CNTN4: variants seen among roughly 807,000 people sequenced by gnomAD.
The protein encoded by CNTN4 is contactin 4.
In CNTN4, 77 loss-of-function variants were observed where a neutral mutation model predicts 122.5. The observed-to-expected ratio is 0.63, with a 90% CI of 0.52 to 0.76. The LOEUF is 0.76. CNTN4 is among the 30% of genes least tolerant of loss of function. CNTN4 has a pLI of 0.00. For synonymous variants in CNTN4, 512 were observed against 447.0 expected (o/e 1.15, Z -1.83); for missense variants, 1,256 against 1,259.1 (o/e 1.00, Z 0.04).
chr3:3,003,000 G>T (rs528930970), intron 14 of CNTN4, among the ~76,000 whole-genome samples: 1 of 152,104 alleles, frequency 6.6e-6, no homozygotes, highest in African/African-American at 2.4e-5. Context: ...GGTTTGCCTC[G>T]ATCTTCATAT....
chr3:2,961,122 C>G (rs1407701501), intron 13 of CNTN4, among the ~76,000 whole-genome samples: 1 of 137,126 alleles, frequency 7.3e-6, no homozygotes, highest in African/African-American at 2.7e-5. Flanking sequence ...CCCAGCTACT[C>G]GGGAGGCTGA....
chr3:2,684,403 G>A (rs1018084882), intron 4 of CNTN4, among the ~76,000 whole-genome samples: 2 of 151,932 alleles, frequency 1.3e-5, no homozygotes, highest in African/African-American at 4.8e-5. Context: ...ACAAAAAAAA[G>A]GAGAAATTAT....
At chr3:2,687,498 A>C in intron 4 of CNTN4, among the ~76,000 whole-genome samples, 1 of 151,824 alleles carries the variant, frequency 6.6e-6, no homozygotes, top group East Asian at 1.9e-4. Flanking sequence ...CTATGTCTTC[A>C]AAAAAAATAC....
At chr3:2,733,659 G>A (rs1167040910) in intron 4 of CNTN4, among the ~76,000 whole-genome samples, 1 of 150,644 alleles carries the variant, frequency 6.6e-6, no homozygotes, top group Admixed American at 6.6e-5. Flanking sequence ...TCAGCCTCCC[G>A]AGTGGCTGGG....
chr3:3,026,297 A>G lies in CNTN4; in HGVS notation c.1662+20A>G, dbSNP rs1321068430. On this transcript the variant is annotated intron_variant, in intron 15 of 24. Coordinates refer to ENST00000418658, the MANE Select transcript of CNTN4 (RefSeq NM_175607.3). The stretch of plus-strand genomic sequence containing the variant: ...GGAGGGGTAAGTATTAATAGCAAAA[A>G]CTGACTCAAACTAACTTGTTTAGAC... The G allele has an allele frequency of 5.6e-6, 9 of 1,603,086 alleles. No individual in the cohort carries two copies. Among genetic ancestry groups the G allele is most frequent in the Non-Finnish European group, 7.7e-6 (9 of 1,170,362 alleles).
chr3:2,905,309 T>A (rs554105096), intron 12 of CNTN4, among the ~76,000 whole-genome samples: 2 of 152,330 alleles, frequency 1.3e-5, no homozygotes, highest in African/African-American at 4.8e-5. Flanking sequence ...AGACAACAAA[T>A]GTTTATTTCT....
intron 3 of CNTN4, among the ~76,000 whole-genome samples, chr3:2,471,581 A>G (rs1478987026): frequency 6.6e-6 from 1 of 152,184 alleles, no homozygotes; most frequent in Non-Finnish European, 1.5e-5. Context: ...TGCCCTTTTA[A>G]TCTTATGATT....
intron 2 of CNTN4, among the ~76,000 whole-genome samples, chr3:2,267,604 A>G (rs955995204): frequency 2.0e-5 from 3 of 152,116 alleles, no homozygotes; most frequent in African/African-American, 7.2e-5. Flanking sequence ...ATAGAATTGC[A>G]GGATTGGATG....
intron 4 of CNTN4, among the ~76,000 whole-genome samples, chr3:2,707,320 A>C (rs923787511): frequency 1.5e-4 from 23 of 148,488 alleles, no homozygotes; most frequent in South Asian, 6.3e-4. Flanking sequence ...AAAAAAACCC[A>C]AAAAAAACAG....
chr3:2,477,445 C>G (rs1271660533), intron 3 of CNTN4, among the ~76,000 whole-genome samples: 1 of 152,112 alleles, frequency 6.6e-6, no homozygotes, highest in African/African-American at 2.4e-5. Flanking sequence ...TTATCTCATT[C>G]AACAATTATA....
intron 3 of CNTN4, among the ~76,000 whole-genome samples, chr3:2,559,652 A>T (rs906985012): frequency 6.6e-6 from 1 of 152,212 alleles, no homozygotes; most frequent in African/African-American, 2.4e-5. Context: ...AAGACAAGAA[A>T]ATGGAGGTGA....
intron 2 of CNTN4, among the ~76,000 whole-genome samples, chr3:2,103,747 A>G (rs907474752): frequency 1.3e-5 from 2 of 152,120 alleles, no homozygotes; most frequent in African/African-American, 4.8e-5. Context: ...TTTATTTTCT[A>G]TATGACTAAG....
intron 4 of CNTN4, among the ~76,000 whole-genome samples, chr3:2,729,303 G>T (rs532975599): frequency 6.6e-6 from 1 of 152,112 alleles, no homozygotes; most frequent in African/African-American, 2.4e-5. Flanking sequence ...GGTGGCTCAC[G>T]CCTGTAATCC....
At chr3:2,758,918 A>G (rs763018482) in intron 6 of CNTN4, among the ~76,000 whole-genome samples, 5 of 152,148 alleles carry the variant, frequency 3.3e-5, no homozygotes, top group African/African-American at 4.8e-5. Flanking sequence ...AAGTTGTACA[A>G]CTGTCACCAC....
At chr3:2,245,677 T>A in intron 2 of CNTN4, among the ~76,000 whole-genome samples, 1 of 152,022 alleles carries the variant, frequency 6.6e-6, no homozygotes, top group East Asian at 1.9e-4. Context: ...TAATAAAAAT[T>A]GGTGTACGTA....
chr3:2,268,977 G>C (rs2149801120), intron 2 of CNTN4, among the ~76,000 whole-genome samples: 1 of 152,186 alleles, frequency 6.6e-6, no homozygotes, highest in Middle Eastern at 3.4e-3. Flanking sequence ...CGATCCACAA[G>C]GTGGCAGGGA....
chr3:2,371,746 G>C (rs1041316904), intron 3 of CNTN4, among the ~76,000 whole-genome samples: 3 of 152,080 alleles, frequency 2.0e-5, no homozygotes, highest in Admixed American at 6.6e-5. Context: ...AAAGGTTCTG[G>C]AATAATTTTA....
At chr3:2,408,656 T>G (rs1210815396) in intron 3 of CNTN4, among the ~76,000 whole-genome samples, 1 of 152,134 alleles carries the variant, frequency 6.6e-6, no homozygotes, top group African/African-American at 2.4e-5. Flanking sequence ...TGGGAAATAA[T>G]AAAGAGCAGA....
At chr3:2,530,225 G>A in intron 3 of CNTN4, among the ~76,000 whole-genome samples, 1 of 151,274 alleles carries the variant, frequency 6.6e-6, no homozygotes, top group African/African-American at 2.4e-5. Context: ...ATCCAGCTCT[G>A]TCACTGCTTG....
Sources: allele counts gnomAD v4.1 joint callset (sites outside exome capture counted in the v4.1 genomes callset), GRCh38; gene constraint gnomAD v4.1.1; transcripts MANE v1.5; gene names NCBI Gene and HGNC (gene_info 2026-07-23, HGNC 2026-07-21).